MCC: variants seen among roughly 807,000 people sequenced by gnomAD.
MCC encodes MCC regulator of Wnt signaling pathway, also known as colorectal mutant cancer protein.
In MCC, 90 loss-of-function variants were observed where a neutral mutation model predicts 116.2. The observed-to-expected ratio is 0.77, with a 90% confidence interval of 0.65 to 0.92. The LOEUF (loss-of-function observed/expected upper bound fraction) is 0.92. MCC is among the 40% of genes least tolerant of loss of function. The pLI is 0.00. For missense variants in MCC, 1,516 were observed against 1,312.2 expected (o/e 1.16, Z -2.40); for synonymous variants, 578 against 510.5 (o/e 1.13, Z -1.78).
chr5:113,339,858 G>A (rs1312221830), intron 3 of MCC, among the ~76,000 whole-genome samples: 3 of 152,192 alleles, frequency 2.0e-5, no homozygotes, highest in East Asian at 1.9e-4. Flanking sequence ...AGCCAGGTAG[G>A]CTTTTAGACC....
chr5:113,145,913 T>C (rs554556715), intron 4 of MCC, among the ~76,000 whole-genome samples: 66 of 152,234 alleles, frequency 4.3e-4, no homozygotes, highest in African/African-American at 1.6e-3. Flanking sequence ...GCCTGGAGGA[T>C]ACCTGCATGA....
chr5:113,167,010 C>T (rs751199513), intron 3 of MCC, among the ~76,000 whole-genome samples: 11 of 152,130 alleles, frequency 7.2e-5, no homozygotes, highest in Non-Finnish European at 1.6e-4. Context: ...ATTACTCTCC[C>T]GGAAAACCTT....
Position 113,063,361 on chromosome 5 carries a change from C to G in MCC, c.2213+623G>C, listed in dbSNP as rs376367430. On this transcript the variant is annotated intron_variant, in intron 14 of 18. Transcript: ENST00000408903. ...TCTGCAAGGTCTTCGCCGCTCTCTT[C>G]CTAGCTTCCTTTTTCAAGCACCCAC... 1.1e-4 allele frequency among the ~76,000 whole-genome samples: 16 copies of G among 152,342 alleles called. No homozygotes were observed. In the East Asian group the frequency reaches 1.2e-3, roughly 11 times the overall value.
chr5:113,091,100 G>T (rs891890067), intron 8 of MCC, among the ~76,000 whole-genome samples: 2 of 152,230 alleles, frequency 1.3e-5, no homozygotes, highest in Non-Finnish European at 2.9e-5. Flanking sequence ...AAAGCTGAAA[G>T]TGCTGTCCAC....
chr5:113,461,440 G>A (rs1771737931), intron 1 of MCC, among the ~76,000 whole-genome samples: 4 of 152,246 alleles, frequency 2.6e-5, no homozygotes, highest in South Asian at 2.1e-4. Flanking sequence ...GAGTGGAGAG[G>A]AGATTAGAAC....
At chr5:113,436,642 T>C (rs1400438274) in intron 1 of MCC, 1 of 152,238 alleles carries the variant, frequency 6.6e-6, no homozygotes, top group Non-Finnish European at 1.5e-5. Context: ...AAATCTACAT[T>C]CTGTGAAGAA....
At chr5:113,332,263 C>T (rs1019216174) in intron 3 of MCC, among the ~76,000 whole-genome samples, 10 of 151,614 alleles carry the variant, frequency 6.6e-5, no homozygotes, top group Non-Finnish European at 7.4e-5. Flanking sequence ...ACTGCAGCCT[C>T]CAACTTCTGG....
chr5:113,062,127 G>A (rs954509059), intron 14 of MCC, among the ~76,000 whole-genome samples: 1 of 152,156 alleles, frequency 6.6e-6, no homozygotes, highest in African/African-American at 2.4e-5. Flanking sequence ...GGGTGACATT[G>A]GAGCTAAAGA....
intron 7 of MCC, among the ~76,000 whole-genome samples, chr5:113,103,821 C>A (rs1248739681): frequency 6.6e-6 from 1 of 152,190 alleles, no homozygotes; most frequent in Non-Finnish European, 1.5e-5. Flanking sequence ...CTCCTGAAAT[C>A]GTATTCTAGA....
chr5:113,354,877 C>T (rs1768372351), intron 2 of MCC, among the ~76,000 whole-genome samples: 1 of 150,690 alleles, frequency 6.6e-6, no homozygotes, highest in Non-Finnish European at 1.5e-5. Context: ...GTGGCAATAG[C>T]ACTTTGTTCT....
intron 3 of MCC, among the ~76,000 whole-genome samples, chr5:113,203,914 C>A (rs2150320089): frequency 6.6e-6 from 1 of 152,262 alleles, no homozygotes. Context: ...CAAGATTGGT[C>A]CTTAACTTTG....
intron 1 of MCC, among the ~76,000 whole-genome samples, chr5:113,394,099 A>C (rs1345508228): frequency 6.6e-6 from 1 of 152,080 alleles, no homozygotes; most frequent in African/African-American, 2.4e-5. Flanking sequence ...TCCTGTGCTT[A>C]ATTCATCATC....
chr5:113,140,382 A>C (rs1364419391), intron 5 of MCC, among the ~76,000 whole-genome samples: 1 of 152,206 alleles, frequency 6.6e-6, no homozygotes, highest in East Asian at 1.9e-4. Context: ...AATTTATTTG[A>C]ATCTACCCAA....
At chr5:113,368,142 T>C (rs767982166) in intron 2 of MCC, among the ~76,000 whole-genome samples, 18 of 152,226 alleles carry the variant, frequency 1.2e-4, no homozygotes, top group African/African-American at 4.3e-4. Context: ...TTGGAAATAA[T>C]TTTTCTTCAC....
At chr5:113,273,125 G>C (rs550011258) in intron 3 of MCC, among the ~76,000 whole-genome samples, 57 of 152,306 alleles carry the variant, frequency 3.7e-4, no homozygotes, top group Non-Finnish European at 6.9e-4. Flanking sequence ...ATCTTAATCT[G>C]TATTTATCAG....
rs769146967 is a variant in MCC at position 113,385,171 on chromosome 5, T to A, written c.212A>T (p.Glu71Val). ...LMVCRQLNMEESVAEIMNQLG... is the reference protein window; with the variant it reads ...LMVCRQLNMEVSVAEIMNQLG... ...CTGGTTCATGATCTCAGCCACAGAC[T>A]CTTCCATATTCAGCTGGCGACAGAC... The change falls in exon 2 of 19, where the codon GAG (glutamate) becomes GTG (valine). Residue 71 changes from glutamate (E) to valine (V), a missense_variant. Transcript: ENST00000408903. 2 of 1,614,174 alleles carry A rather than the reference T, an allele frequency of 1.2e-6. No individual in the cohort carries two copies. The highest frequency in any genetic ancestry group is 1.7e-6 in the Non-Finnish European group (2 of 1,180,026).
intron 1 of MCC, among the ~76,000 whole-genome samples, chr5:113,387,858 T>C (rs138786423): frequency 6.6e-6 from 1 of 152,322 alleles, no homozygotes; most frequent in African/African-American, 2.4e-5. Flanking sequence ...TATGGTTGTT[T>C]TATAATTGTT....
At chr5:113,387,978 G>A (rs901160357) in intron 1 of MCC, among the ~76,000 whole-genome samples, 15 of 152,262 alleles carry the variant, frequency 9.9e-5, no homozygotes, top group Admixed American at 8.5e-4. Flanking sequence ...CTCACTAAGT[G>A]GTACAATCTG....
chr5:113,117,857 T>A (rs544073674), intron 6 of MCC, among the ~76,000 whole-genome samples: 1 of 152,354 alleles, frequency 6.6e-6, no homozygotes, highest in South Asian at 2.1e-4. Flanking sequence ...AAAATCTGAT[T>A]GCAAATGCTT....
Sources: gnomAD v4.1 joint callset for allele counts (sites outside exome capture counted in the v4.1 genomes callset) on GRCh38, gnomAD v4.1.1 for gene constraint, MANE v1.5 for transcripts, NCBI Gene and HGNC (gene_info 2026-07-23, HGNC 2026-07-21) for gene names.